The following PRIMA1 variants were observed in gnomAD, a reference collection of about 807,000 sequenced individuals.
PRIMA1 encodes proline-rich membrane anchor 1.
A neutral mutation model predicts 17.5 loss-of-function variants in PRIMA1; 7 were observed. The ratio of observed to expected loss-of-function variants is 0.40; its 90% CI spans 0.23 to 0.75. The LOEUF is 0.75. Among genes scored for constraint, PRIMA1 ranks in the 30% least tolerant of loss-of-function variants. PRIMA1 has a pLI of 0.37. For missense variants in PRIMA1, 200 were observed against 201.8 expected, an observed-to-expected ratio of 0.99 and a Z score of 0.05; for synonymous variants, 97 against 77.9, an observed-to-expected ratio of 1.25 and a Z score of -1.29.
At chr14:93,771,379 T>C (rs1262449366) in intron 3 of PRIMA1, among the ~76,000 whole-genome samples, 1 of 152,142 alleles carries the variant, frequency 6.6e-6, no homozygotes, top group Non-Finnish European at 1.5e-5. Flanking sequence ...CCTCTCAACC[T>C]TCAAATTCAG....
intron 2 of PRIMA1, among the ~76,000 whole-genome samples, 178 bp from the exon 3 acceptor site, chr14:93,779,489 G>A (rs753599388): frequency 9.9e-5 from 15 of 152,154 alleles, no homozygotes; most frequent in Non-Finnish European, 1.8e-4. Flanking sequence ...TGTTGTTGGC[G>A]GTTGGCCTGG....
chr14:93,728,035 A>T (rs932185583), intron 4 of PRIMA1, among the ~76,000 whole-genome samples: 5 of 152,162 alleles, frequency 3.3e-5, no homozygotes, highest in African/African-American at 1.2e-4. Flanking sequence ...CTCCTGAAGC[A>T]AACAAGGAGG....
chr14:93,782,233 A>T (rs1205741156), intron 2 of PRIMA1, among the ~76,000 whole-genome samples: 2 of 152,112 alleles, frequency 1.3e-5, no homozygotes, highest in African/African-American at 4.8e-5. Context: ...ATGCTACCGC[A>T]CTCCAGCCTG....
rs4900195 is a variant in PRIMA1 at position 93,779,306 on chromosome 14, C to T, written c.99G>A (p.Thr33=). The change falls in exon 3 of 5, where the codon ACG becomes ACA. Residue 33 remains threonine (T), a synonymous_variant. Transcript: ENST00000393140. ...LHPLWGFVQV[T]HGEPQKSCSK... is the part of the protein sequence containing the mutation. ...AGCAGGACTTCTGGGGCTCACCATG[C>T]GTCACCTGTACACATGGGCACACGT... 0.46 allele frequency: 711,729 copies of T among 1,544,294 alleles called. 168,308 individuals are homozygous for T. Among genetic ancestry groups the T allele is most frequent in the Non-Finnish European group, 0.49 (559,519 of 1,149,982 alleles).
chr14:93,748,054 GTA>G (rs1555415675), intron 3 of PRIMA1, among the ~76,000 whole-genome samples: 12 of 151,080 alleles, frequency 7.9e-5, no homozygotes, highest in East Asian at 1.9e-4. Flanking sequence ...GTGAGTGTGT[GTA>G]TGTGAGTGTG....
intron 2 of PRIMA1, among the ~76,000 whole-genome samples, chr14:93,781,025 C>T (rs1251715997): frequency 1.3e-5 from 2 of 152,262 alleles, no homozygotes; most frequent in Non-Finnish European, 2.9e-5. Context: ...GGGAGGCTCC[C>T]ATCGCACCTG....
intron 3 of PRIMA1, among the ~76,000 whole-genome samples, chr14:93,760,126 CA>C (rs1013721181): frequency 2.3e-4 from 35 of 152,242 alleles, no homozygotes; most frequent in African/African-American, 8.0e-4. Context: ...CCTGGGCTGC[CA>C]GGGGGAACAA....
chr14:93,764,014 A>G (rs918747357), intron 3 of PRIMA1, among the ~76,000 whole-genome samples: 1 of 151,798 alleles, frequency 6.6e-6, no homozygotes, highest in African/African-American at 2.4e-5. Context: ...GAAGCATCTG[A>G]TCAGACACTG....
At chr14:93,772,024 A>G (rs1045522798) in intron 3 of PRIMA1, among the ~76,000 whole-genome samples, 9 of 152,220 alleles carry the variant, frequency 5.9e-5, no homozygotes, top group African/African-American at 2.2e-4. Flanking sequence ...AATTGGCAAT[A>G]ATACCACCTA....
At chr14:93,788,046 A>G (rs957276466) in intron 1 of PRIMA1, among the ~76,000 whole-genome samples, 16 of 152,128 alleles carry the variant, frequency 1.1e-4, no homozygotes, top group Non-Finnish European at 1.5e-5. Context: ...GAAACAGCCA[A>G]GCACACTTAC....
At chr14:93,733,309 G>A (rs554426966) in intron 4 of PRIMA1, among the ~76,000 whole-genome samples, 1 of 134,202 alleles carries the variant, frequency 7.5e-6, no homozygotes, top group Non-Finnish European at 1.6e-5. Flanking sequence ...CTTGGTGAAG[G>A]CTTGCTGAGT....
intron 3 of PRIMA1, among the ~76,000 whole-genome samples, chr14:93,743,051 G>A (rs551449633): frequency 2.6e-5 from 4 of 152,292 alleles, no homozygotes; most frequent in Admixed American, 1.3e-4. Flanking sequence ...AAACAATCTC[G>A]GTTTTGCAAG....
chr14:93,747,350 G>A (rs1027479209), intron 3 of PRIMA1, among the ~76,000 whole-genome samples: 2 of 152,334 alleles, frequency 1.3e-5, no homozygotes, highest in African/African-American at 4.8e-5. Flanking sequence ...GCTGCTGGCC[G>A]CTGAAAAGTG....
At chr14:93,783,832 T>A (rs534843183) in intron 2 of PRIMA1, among the ~76,000 whole-genome samples, 64 of 151,256 alleles carry the variant, frequency 4.2e-4, no homozygotes, top group African/African-American at 1.5e-3. Flanking sequence ...GGACACAGTG[T>A]TCCCAGCATC....
At chr14:93,775,526 T>TA (rs1426579772) in intron 3 of PRIMA1, among the ~76,000 whole-genome samples, 1 of 152,226 alleles carries the variant, frequency 6.6e-6, no homozygotes, top group Non-Finnish European at 1.5e-5. Context: ...GAGGCAGAGT[T>TA]ACGCTCTTAT....
intron 3 of PRIMA1, among the ~76,000 whole-genome samples, chr14:93,769,430 C>T (rs1884988132): frequency 6.6e-6 from 1 of 152,156 alleles, no homozygotes; most frequent in South Asian, 2.1e-4. Context: ...CACAGGGTAG[C>T]AAAAGACGAG....
intron 3 of PRIMA1, among the ~76,000 whole-genome samples, chr14:93,740,995 A>G (rs995706812): frequency 5.3e-5 from 8 of 152,204 alleles, no homozygotes; most frequent in African/African-American, 1.9e-4. Flanking sequence ...GAAAGCAGTG[A>G]GCCCATGGTT....
chr14:93,749,397 CT>C (rs2076246820), intron 3 of PRIMA1, among the ~76,000 whole-genome samples: 1 of 152,198 alleles, frequency 6.6e-6, no homozygotes, highest in Non-Finnish European at 1.5e-5. Context: ...ATGCACCATG[CT>C]AGCACTGGGG....
chr14:93,785,447 C>T (rs1885497529), intron 2 of PRIMA1, among the ~76,000 whole-genome samples: 1 of 152,152 alleles, frequency 6.6e-6, no homozygotes, highest in South Asian at 2.1e-4. Context: ...TTTGCCTCAT[C>T]GACGATCCCA....
Sources: gnomAD v4.1 joint callset for allele counts (sites outside exome capture counted in the v4.1 genomes callset) on GRCh38, gnomAD v4.1.1 for gene constraint, MANE v1.5 for transcripts, NCBI Gene and HGNC (gene_info 2026-07-23, HGNC 2026-07-21) for gene names.